TXNDC9: variants seen among roughly 807,000 people sequenced by gnomAD.
The protein encoded by TXNDC9 is thioredoxin domain containing 9, also known as thioredoxin domain-containing protein 9.
Under a neutral mutation model 23.0 loss-of-function variants are expected in TXNDC9, and 7 were observed. That is an observed-to-expected ratio of 0.30 (90% CI 0.17 to 0.57). The LOEUF is 0.57. Among genes scored for constraint, TXNDC9 ranks in the 20% least tolerant of loss-of-function variants. The pLI, the probability that TXNDC9 is intolerant of heterozygous loss-of-function variation, is 0.90. For synonymous variants in TXNDC9, 72 were observed against 90.6 expected, an observed-to-expected ratio of 0.79 and a Z score of 1.17; for missense variants, 198 against 252.6, an observed-to-expected ratio of 0.78 and a Z score of 1.47.
chr2:99,315,981 AG>A (rs1344111331), downstream of TXNDC9, among the ~76,000 whole-genome samples: 2 of 152,190 alleles, frequency 1.3e-5, no homozygotes, highest in Non-Finnish European at 2.9e-5. Context: ...TTTTGCAAAA[AG>A]GTATCTGGGA....
At chr2:99,323,836 G>A (rs535099170) in intron 3 of TXNDC9, among the ~76,000 whole-genome samples, 3 of 152,204 alleles carry the variant, frequency 2.0e-5, no homozygotes, top group South Asian at 2.1e-4. Flanking sequence ...TGTTCATTAT[G>A]ATCAACTTTT....
chr2:99,331,043 C>A (rs1289832431), intron 2 of TXNDC9, among the ~76,000 whole-genome samples: 3 of 152,152 alleles, frequency 2.0e-5, no homozygotes, highest in Non-Finnish European at 4.4e-5. Flanking sequence ...CTGTTTTGAA[C>A]TGCCAAAAAG....
chr2:99,323,746 T>C (rs2094207528), intron 3 of TXNDC9, among the ~76,000 whole-genome samples: 1 of 152,110 alleles, frequency 6.6e-6, no homozygotes, highest in Non-Finnish European at 1.5e-5. Flanking sequence ...AAAAAATTCA[T>C]TTTCAACTGG....
intron 1 of TXNDC9, among the ~76,000 whole-genome samples, chr2:99,334,860 C>T (rs1411746933): frequency 6.6e-6 from 1 of 152,204 alleles, no homozygotes; most frequent in African/African-American, 2.4e-5. Flanking sequence ...TACAGGCGCC[C>T]GCCACCACGC....
At chr2:99,331,509 C>CAAAA (rs1331778345) in intron 2 of TXNDC9, among the ~76,000 whole-genome samples, 1 of 54,760 alleles carries the variant, frequency 1.8e-5, no homozygotes, top group Non-Finnish European at 3.8e-5. Flanking sequence ...GACTCCCTCT[C>CAAAA]AAAAAAAAAA....
chr2:99,315,437 A>G (rs2094187079), downstream of TXNDC9, among the ~76,000 whole-genome samples: 1 of 151,964 alleles, frequency 6.6e-6, no homozygotes. Flanking sequence ...CACATTCCGG[A>G]TACATTTTAT....
At chr2:99,322,673 G>C (rs2094205280) in intron 3 of TXNDC9, 1 of 1,531,686 alleles carries the variant, frequency 6.5e-7, no homozygotes, top group South Asian at 1.2e-5. Flanking sequence ...TCAGTAAGAA[G>C]CACATTAAGG....
At chr2:99,308,572 CA>C in the TXNDC9 span, among the ~76,000 whole-genome samples, 1 of 151,494 alleles carries the variant, frequency 6.6e-6, no homozygotes, top group African/African-American at 2.4e-5. Context: ...TGTTGCTGTA[CA>C]TGCATGTGTG....
chr2:99,322,416 C>T, intron 3 of TXNDC9: 1 of 1,234,266 alleles, frequency 8.1e-7, no homozygotes, highest in Non-Finnish European at 1.1e-6. Context: ...CTATAAGATT[C>T]TAGAAAGTCA....
chr2:99,323,181 C>T (rs963611380), intron 3 of TXNDC9, among the ~76,000 whole-genome samples: 1 of 151,662 alleles, frequency 6.6e-6, no homozygotes, highest in Non-Finnish European at 1.5e-5. Context: ...CTGAGGCAGG[C>T]GGATCACTTG....
At chr2:99,332,206 G>A (rs1045841764) in intron 2 of TXNDC9, among the ~76,000 whole-genome samples, 4 of 152,198 alleles carry the variant, frequency 2.6e-5, no homozygotes, top group Non-Finnish European at 5.9e-5. Context: ...ACTTTGGCAG[G>A]CTAAGGTGGG....
At chr2:99,316,516 G>C (rs1011878746), downstream of TXNDC9, among the ~76,000 whole-genome samples, 1 of 151,858 alleles carries the variant, frequency 6.6e-6, no homozygotes, top group African/African-American at 2.4e-5. Flanking sequence ...CTGTTTTCAA[G>C]ATTTTTTTCT....
At chr2:99,327,705 C>T (rs117462941) in intron 2 of TXNDC9, 52 bp from the exon 3 acceptor site, 13,916 of 1,110,118 alleles carry the variant, frequency 0.013, 114 homozygotes, top group Middle Eastern at 0.015. Flanking sequence ...TCTTTCAGAA[C>T]CACTTGACAT....
At chr2:99,316,493 G>C (rs1486492400), downstream of TXNDC9, among the ~76,000 whole-genome samples, 2 of 152,006 alleles carry the variant, frequency 1.3e-5, no homozygotes, top group Non-Finnish European at 2.9e-5. Context: ...TACACAATGA[G>C]TAGTTTTTTT....
intron 3 of TXNDC9, chr2:99,322,666 G>A: frequency 2.0e-6 from 3 of 1,536,884 alleles, no homozygotes; most frequent in Admixed American, 2.1e-5. Context: ...AACGCTGTCA[G>A]TAAGAAGCAC....
chr2:99,319,749 T>G lies in TXNDC9; in HGVS notation c.614A>C (p.Asn205Thr). 6.2e-7 allele frequency: 1 copy of G among 1,604,896 alleles called. No individual in the cohort carries two copies. Among genetic ancestry groups the G allele is most frequent in the Non-Finnish European group, 8.5e-7 (1 of 1,177,658 alleles). ...PFQNQKKFGTNFTKLEKKTIR... is the reference protein window; with the variant it reads ...PFQNQKKFGTTFTKLEKKTIR... The stretch of plus-strand genomic sequence containing the variant: ...AGTTTTCTTTTCCAGCTTTGTGAAG[T>G]TTGTTCCAAATTTCTTTTGGTTCTG... The change falls in exon 5 of 5, where the codon AAC becomes ACC. Residue 205 changes from asparagine (N) to threonine (T), a missense_variant. By Grantham distance (65) the Asn-to-Thr change is moderately conservative. Transcript: ENST00000264255.
At chr2:99,306,730 G>C in the TXNDC9 span, 1 of 447,608 alleles carries the variant, frequency 2.2e-6, no homozygotes, top group South Asian at 1.6e-5. Context: ...ATGTGAACTG[G>C]TATCTCTCGG....
the TXNDC9 span, among the ~76,000 whole-genome samples, chr2:99,309,943 C>G: frequency 6.6e-6 from 1 of 152,036 alleles, no homozygotes; most frequent in Non-Finnish European, 1.5e-5. Context: ...CCTCAGCCTC[C>G]TAAAGCGCTG....
chr2:99,311,980 C>G, the TXNDC9 span, among the ~76,000 whole-genome samples: 1 of 152,050 alleles, frequency 6.6e-6, no homozygotes, highest in Non-Finnish European at 1.5e-5. Context: ...CACATTTAAT[C>G]AGACAGTTTT....
Sources: gnomAD v4.1 joint callset for allele counts (sites outside exome capture counted in the v4.1 genomes callset) on GRCh38, gnomAD v4.1.1 for gene constraint, MANE v1.5 for transcripts, NCBI Gene and HGNC (gene_info 2026-07-23, HGNC 2026-07-21) for gene names.